The following PTPRK variants were observed in gnomAD, a reference collection of about 807,000 sequenced individuals.
The protein encoded by PTPRK is protein tyrosine phosphatase receptor type K.
PTPRK carries 75 observed loss-of-function variants against 178.0 expected under a neutral mutation model. The observed-to-expected ratio is 0.42, with a 90% confidence interval of 0.35 to 0.51. The LOEUF is 0.51. Among genes scored for constraint, PTPRK ranks in the 20% least tolerant of loss-of-function variants. The probability of loss-of-function intolerance (pLI) is 0.02; values close to 1 mark genes in which losing one functional copy is unlikely to be tolerated. For synonymous variants in PTPRK, 637 were observed against 620.6 expected (o/e 1.03, Z -0.39); for missense variants, 1,441 against 1,797.8 (o/e 0.80, Z 3.59).
Position 128,397,684 on chromosome 6 carries a change from G to C in PTPRK, c.105C>G (p.Gly35=). The part of the protein sequence containing the change: ...GSAQGQFSAG[G]CTFDDGPGAC... ...CCCCTGGACCATCATCAAAAGTACA[G>C]CCACCTAGGAGAAAAGAAGACTACT... is the stretch of plus-strand genomic sequence containing the variant. Residue 35 remains glycine (G), a synonymous_variant, in exon 2 of 30, where the codon GGC becomes GGG. Coordinates refer to ENST00000368226, the MANE Select transcript of PTPRK (RefSeq NM_002844.4). 6.2e-7 allele frequency: 1 copy of C among 1,612,924 alleles called. No individual in the cohort carries two copies. The highest frequency in any genetic ancestry group is 8.5e-7 in the Non-Finnish European group (1 of 1,179,220).
rs762618719 is a variant in PTPRK, at chr6:128,005,183, C to T, written c.2395G>A (p.Val799Met). The T allele has an allele frequency of 1.9e-5, 30 of 1,611,558 alleles. No individual in the cohort carries two copies. The highest frequency in any genetic ancestry group is 1.6e-4 in the Middle Eastern group (1 of 6,068). The change falls in exon 15 of 30, where the codon GTG (valine) becomes ATG (methionine). Residue 799 changes from valine to methionine, a missense_variant. This residue lies in a region of PTPRK where 945 missense variants were observed against 1,080.6 expected (regional missense o/e 0.87). Coordinates refer to ENST00000368226, the MANE Select transcript of PTPRK (RefSeq NM_002844.4). ...GNTRQEMTHM[V>M]NAMDRSYADQ... ...GCATAACTTCGATCCATTGCATTCACCATGTGAGTCATCTCCTGCCGGGTA... is the reference window on the plus strand; with the variant it reads ...GCATAACTTCGATCCATTGCATTCATCATGTGAGTCATCTCCTGCCGGGTA...
In PTPRK at chr6:128,005,218, G is replaced by T. The variant is rs1297530585; in HGVS notation, c.2360C>A (p.Ala787Asp). The T allele has an allele frequency of 1.2e-6, 2 of 1,610,994 alleles. No individual in the cohort carries two copies. The highest frequency in any genetic ancestry group is 2.2e-5 in the East Asian group (1 of 44,758). Residue 787 changes from alanine to aspartate, a missense_variant, in exon 15 of 30, where the codon GCC becomes GAC. Physicochemically the swap from Ala to Asp is moderately radical, Grantham distance 126. Transcript: ENST00000368226. ...KSKLAKKRKD[A>D]MGNTRQEMTH... ...CATCTCCTGCCGGGTATTCCCCATG[G>T]CATCTTTGCGTTTTTTAGCAAGTTT... is the stretch of plus-strand genomic sequence containing the variant.
At chr6:127,993,641 G>T (rs562916983) in intron 18 of PTPRK, among the ~76,000 whole-genome samples, 1 of 151,450 alleles carries the variant, frequency 6.6e-6, no homozygotes, top group East Asian at 1.9e-4. Context: ...TTGCAAATTT[G>T]GAAGATTTCA....
At chr6:128,109,663 G>A (rs1274197763) in intron 7 of PTPRK, among the ~76,000 whole-genome samples, 1 of 152,102 alleles carries the variant, frequency 6.6e-6, no homozygotes, top group African/African-American at 2.4e-5. Context: ...CATACCTAGA[G>A]CTCAGTGAAC....
At chr6:128,154,631 A>T (rs1797721080) in intron 7 of PTPRK, among the ~76,000 whole-genome samples, 1 of 151,762 alleles carries the variant, frequency 6.6e-6, no homozygotes, top group Non-Finnish European at 1.5e-5. Context: ...AACCAATGGG[A>T]GATTTTTTTT....
At chr6:128,024,009 C>T (rs760433346) in intron 13 of PTPRK, among the ~76,000 whole-genome samples, 2 of 152,014 alleles carry the variant, frequency 1.3e-5, no homozygotes, top group Non-Finnish European at 2.9e-5. Flanking sequence ...ATCTCTAGGG[C>T]AATCAGATAA....
At chr6:128,378,865 A>G (rs546684887) in intron 2 of PTPRK, among the ~76,000 whole-genome samples, 4 of 152,068 alleles carry the variant, frequency 2.6e-5, no homozygotes, top group Admixed American at 1.3e-4. Context: ...CCACTCCAAT[A>G]TAATTCTTAC....
chr6:128,246,282 G>T (rs1255286490), intron 3 of PTPRK, among the ~76,000 whole-genome samples: 1 of 151,790 alleles, frequency 6.6e-6, no homozygotes, highest in Non-Finnish European at 1.5e-5. Flanking sequence ...GTCTATCTTA[G>T]CTTCACTTTC....
intron 1 of PTPRK, among the ~76,000 whole-genome samples, chr6:128,501,641 A>G (rs944612629): frequency 1.3e-5 from 2 of 152,248 alleles, no homozygotes; most frequent in Non-Finnish European, 2.9e-5. Flanking sequence ...TTTGTCCTAT[A>G]TAAACAAATA....
chr6:128,238,121 A>AAT, intron 5 of PTPRK: 1 of 449,738 alleles, frequency 2.2e-6, no homozygotes, highest in Non-Finnish European at 4.4e-6. Context: ...CTACTGAAGA[A>AAT]TGAGGCAATG....
chr6:128,469,363 T>C (rs1289984687), intron 1 of PTPRK, among the ~76,000 whole-genome samples: 1 of 152,174 alleles, frequency 6.6e-6, no homozygotes, highest in East Asian at 1.9e-4. Context: ...TCCAAAATAA[T>C]GTATATTCCA....
intron 2 of PTPRK, among the ~76,000 whole-genome samples, chr6:128,388,219 G>A (rs539808598): frequency 6.6e-6 from 1 of 152,078 alleles, no homozygotes; most frequent in African/African-American, 2.4e-5. Flanking sequence ...ATACTTATAA[G>A]ACATAAGGAG....
intron 7 of PTPRK, among the ~76,000 whole-genome samples, chr6:128,094,838 G>C (rs1787638717): frequency 6.6e-6 from 1 of 151,962 alleles, no homozygotes; most frequent in Non-Finnish European, 1.5e-5. Flanking sequence ...GAAGGTAATA[G>C]ATAAGGATAG....
intron 3 of PTPRK, among the ~76,000 whole-genome samples, chr6:128,308,053 A>G (rs1826696177): frequency 6.6e-6 from 1 of 152,180 alleles, no homozygotes; most frequent in Admixed American, 6.5e-5. Context: ...TGAATAATCA[A>G]TTTCAGCTTA....
chr6:128,204,518 A>G (rs1282054298), intron 6 of PTPRK, among the ~76,000 whole-genome samples: 3 of 152,196 alleles, frequency 2.0e-5, no homozygotes, highest in Admixed American at 6.5e-5. Flanking sequence ...CAATCTATCC[A>G]TCTGACAAAA....
intron 6 of PTPRK, among the ~76,000 whole-genome samples, chr6:128,190,913 C>T (rs1803681540): frequency 6.6e-6 from 1 of 152,178 alleles, no homozygotes; most frequent in Non-Finnish European, 1.5e-5. Context: ...GCCCCTATGC[C>T]AGTACCTATG....
intron 8 of PTPRK, chr6:128,085,206 A>T (rs1230842731): frequency 6.6e-6 from 1 of 152,226 alleles, no homozygotes; most frequent in Admixed American, 6.5e-5. Flanking sequence ...AGCCATTGTC[A>T]GCCGAAGACT....
At chr6:128,173,907 A>G (rs992399524) in intron 7 of PTPRK, among the ~76,000 whole-genome samples, 1 of 152,046 alleles carries the variant, frequency 6.6e-6, no homozygotes, top group African/African-American at 2.4e-5. Flanking sequence ...TAAGCATTCT[A>G]ATAAAAATTC....
At chr6:128,234,649 T>TCAG (rs1482896667) in intron 5 of PTPRK, among the ~76,000 whole-genome samples, 1 of 152,234 alleles carries the variant, frequency 6.6e-6, no homozygotes, top group Admixed American at 6.5e-5. Context: ...TGTTGCATTA[T>TCAG]CAGCAGTTCA....
Sources: gnomAD v4.1 joint callset for allele counts (sites outside exome capture counted in the v4.1 genomes callset) on GRCh38, gnomAD v4.1.1 for gene constraint, gnomAD v4.1.1 regional missense constraint, MANE v1.5 for transcripts, NCBI Gene and HGNC (gene_info 2026-07-23, HGNC 2026-07-21) for gene names.